Variants in KIAA1217 observed in about 807,000 individuals in gnomAD.
KIAA1217 encodes the protein sickle tail protein homolog.
A neutral mutation model predicts 163.9 loss-of-function variants in KIAA1217; 88 were observed. That is an observed-to-expected ratio of 0.54 (90% confidence interval 0.45 to 0.64). The LOEUF (loss-of-function observed/expected upper bound fraction) is 0.64, where lower values mean the gene tolerates loss of function less well. KIAA1217 is among the 30% of genes least tolerant of loss of function. KIAA1217 has a pLI of 0.00. For synonymous variants in KIAA1217, 903 were observed against 923.1 expected (o/e 0.98, Z 0.39); for missense variants, 2,372 against 2,475.0 (o/e 0.96, Z 0.88).
chr10:24,472,878 G>A (rs2063676637), intron 5 of KIAA1217, among the ~76,000 whole-genome samples: 1 of 152,100 alleles, frequency 6.6e-6, no homozygotes, highest in Admixed American at 6.5e-5. Context: ...GCTTCTAGCA[G>A]CTGCCCACAT....
In KIAA1217 at chr10:24,446,127, G is replaced by A. The variant is rs1003788489; in HGVS notation, c.846+7648G>A. On this transcript the variant is annotated intron_variant, in intron 5 of 20. Coordinates refer to ENST00000376454, the MANE Select transcript of KIAA1217 (RefSeq NM_019590.5). The stretch of plus-strand genomic sequence containing the variant: ...GGTTTTGATTTGCATTTCTCTGATG[G>A]CCAGTGATGATGAGCATTTTTTCAT... 5.3e-5 allele frequency among the ~76,000 whole-genome samples: 8 copies of A among 152,246 alleles called. No individual in the cohort carries two copies. In the East Asian group the frequency reaches 1.4e-3, roughly 26 times the overall value.
At chr10:23,847,564 C>G (rs1428857379) in intron 1 of KIAA1217, among the ~76,000 whole-genome samples, 1 of 151,078 alleles carries the variant, frequency 6.6e-6, no homozygotes, top group Non-Finnish European at 1.5e-5. Context: ...TGTGGGATAC[C>G]CCCTTTATCA....
At chr10:24,494,984 A>G (rs1270309892) in intron 7 of KIAA1217, 163 bp from the exon 8 acceptor site, 3 of 622,858 alleles carry the variant, frequency 4.8e-6, no homozygotes, top group Admixed American at 6.1e-5. Context: ...ACACCTGGGA[A>G]GCCTTTTCCA....
At chr10:23,813,438 T>C (rs1384323474) in intron 1 of KIAA1217, among the ~76,000 whole-genome samples, 2 of 152,102 alleles carry the variant, frequency 1.3e-5, no homozygotes, top group African/African-American at 4.8e-5. Flanking sequence ...ATTCTTTTCT[T>C]TCTCTCTGTA....
At position 24,533,142 on chromosome 10, in the gene KIAA1217, G is replaced by T. The variant is rs757566686; in HGVS notation, c.3319G>T (p.Ala1107Ser). 2 of 1,613,864 alleles carry T rather than the reference G, an allele frequency of 1.2e-6. No homozygotes were observed. The highest frequency in any genetic ancestry group is 1.7e-5 in the Admixed American group (1 of 60,018). The change falls in exon 16 of 21, where the codon GCC (alanine) becomes TCC (serine). Residue 1107 changes from alanine to serine, a missense_variant. By Grantham distance (99) the Ala-to-Ser change is moderately conservative. Coordinates refer to ENST00000376454, the MANE Select transcript of KIAA1217 (RefSeq NM_019590.5). The stretch of plus-strand genomic sequence containing the variant: ...ATATCCAGCAGAGGAGCCTGCTTCA[G>T]CCTGGACCCCATCCCCACCGCCTGT... ...TKYPAEEPAS[A>S]WTPSPPPVTT... is the part of the protein sequence containing the mutation.
In KIAA1217 at chr10:24,502,240, C is replaced by CTTT. The variant is rs772404852; in HGVS notation, c.2001+714_2001+716dup. Among the ~76,000 whole-genome samples the CTTT allele has an allele frequency of 1.5e-3, 118 of 80,578 alleles. 2 individuals carry two copies. The highest frequency in any genetic ancestry group is 4.7e-3 in the African/African-American group (105 of 22,580). The allele number at this position is 80,578 out of a possible 152,430, so 52.9% of individuals were successfully genotyped here. ...GGACAAAGGTGGATAGTCAGCCAAG[C>CTTT]TTTTTTTTTTTTTTTTTTTTTCATT... On this transcript the variant is annotated intron_variant, in intron 9 of 20. Transcript: ENST00000376454.
intron 1 of KIAA1217, among the ~76,000 whole-genome samples, chr10:23,909,742 C>T (rs937034065): frequency 2.0e-4 from 31 of 151,980 alleles, no homozygotes; most frequent in Non-Finnish European, 3.1e-4. Flanking sequence ...TGAACAGTGC[C>T]GCAATAAACA....
intron 1 of KIAA1217, among the ~76,000 whole-genome samples, chr10:23,719,491 G>A (rs1199048362): frequency 1.3e-5 from 2 of 151,800 alleles, no homozygotes; most frequent in Non-Finnish European, 2.9e-5. Flanking sequence ...TGAGATGGGA[G>A]GATTGTTTGA....
chr10:23,849,915 T>C (rs1456797466), intron 1 of KIAA1217, among the ~76,000 whole-genome samples: 1 of 152,102 alleles, frequency 6.6e-6, no homozygotes, highest in African/African-American at 2.4e-5. Context: ...TAAACATTCA[T>C]GCGTACAACA....
intron 2 of KIAA1217, among the ~76,000 whole-genome samples, chr10:24,315,400 G>T (rs886163836): frequency 1.3e-5 from 2 of 152,184 alleles, no homozygotes; most frequent in Non-Finnish European, 2.9e-5. Context: ...GAGTGATACC[G>T]AGTGTTGGCA....
chr10:24,045,905 T>C (rs1054368119), intron 2 of KIAA1217, among the ~76,000 whole-genome samples: 3 of 152,120 alleles, frequency 2.0e-5, no homozygotes, highest in Non-Finnish European at 4.4e-5. Flanking sequence ...GAAACTCATG[T>C]TCACCTATGG....
chr10:24,536,634 C>T lies in KIAA1217; in HGVS notation c.3415-140C>T, dbSNP rs1324233493. 3 of 742,874 alleles carry T rather than the reference C, an allele frequency of 4.0e-6. No individual in the cohort carries two copies. The African/African-American group carries it at 5.3e-5, about 13-fold the overall frequency. 46.0% of individuals were successfully genotyped at this position (742,874 alleles called of 1,614,324 possible). On this transcript the variant is annotated intron_variant, in intron 16 of 20. Transcript: ENST00000376454. The stretch of plus-strand genomic sequence containing the variant: ...TGAGAGCACGTGAGGAGCAGGATTT[C>T]AGGGTGCTGCCTCCCTGGCCTAAAC...
intron 2 of KIAA1217, among the ~76,000 whole-genome samples, chr10:24,337,135 G>C (rs2046446140): frequency 6.6e-6 from 1 of 152,204 alleles, no homozygotes; most frequent in Non-Finnish European, 1.5e-5. Context: ...CTCACACTGT[G>C]AGATTAAATA....
Position 24,404,294 on chromosome 10 carries a change from T to C in KIAA1217, c.553+23227T>C, listed in dbSNP as rs542115452. Among the ~76,000 whole-genome samples the C allele has an allele frequency of 2.5e-4, 38 of 152,032 alleles. No homozygotes were observed. The East Asian group carries it at 7.2e-3, about 29-fold the overall frequency. ...CTTTTAAAACTAAAAGTGGGCCGGG[T>C]GCGGTGGCTTATGCCTGTAATCTCA... On this transcript the variant is annotated intron_variant, in intron 3 of 20. Coordinates refer to ENST00000376454, the MANE Select transcript of KIAA1217 (RefSeq NM_019590.5).
At chr10:24,293,558 C>T in intron 2 of KIAA1217, among the ~76,000 whole-genome samples, 1 of 125,828 alleles carries the variant, frequency 7.9e-6, no homozygotes, top group East Asian at 2.0e-4. Flanking sequence ...GGCTGTTGGG[C>T]TTGGCAGCCG....
At chr10:23,758,933 TG>T (rs918156515) in intron 1 of KIAA1217, among the ~76,000 whole-genome samples, 5 of 151,912 alleles carry the variant, frequency 3.3e-5, no homozygotes, top group Admixed American at 3.3e-4. Flanking sequence ...GTGATCCACC[TG>T]GGGTGGGTTT....
At chr10:23,850,880 G>T (rs1471173116) in intron 1 of KIAA1217, among the ~76,000 whole-genome samples, 2 of 151,966 alleles carry the variant, frequency 1.3e-5, no homozygotes, top group African/African-American at 4.8e-5. Flanking sequence ...GAGTGAAGGG[G>T]AATGTGCTAC....
At chr10:24,297,527 G>A (rs1024527828) in intron 2 of KIAA1217, among the ~76,000 whole-genome samples, 1 of 152,170 alleles carries the variant, frequency 6.6e-6, no homozygotes, top group African/African-American at 2.4e-5. Flanking sequence ...AAGGCAGGCG[G>A]ATCACCTGAG....
chr10:24,517,487 AAG>A (rs2070378992), intron 10 of KIAA1217, among the ~76,000 whole-genome samples: 1 of 152,200 alleles, frequency 6.6e-6, no homozygotes, highest in African/African-American at 2.4e-5. Flanking sequence ...GATTTTTAAA[AAG>A]AGCTTATTTT....
Sources: allele counts gnomAD v4.1 joint callset (sites outside exome capture counted in the v4.1 genomes callset), GRCh38; gene constraint gnomAD v4.1.1; transcripts MANE v1.5; gene names NCBI Gene and HGNC (gene_info 2026-07-23, HGNC 2026-07-21).